The following PDE4D variants were observed in gnomAD, a reference collection of about 807,000 sequenced individuals.
The protein encoded by PDE4D is phosphodiesterase 4D.
Under a neutral mutation model 87.4 loss-of-function variants are expected in PDE4D, and 24 were observed. The observed-to-expected ratio is 0.27, with a 90% confidence interval of 0.20 to 0.39. The LOEUF is 0.39. PDE4D is among the 10% of genes least tolerant of loss of function. PDE4D has a pLI of 1.00. For missense variants in PDE4D, 714 were observed against 1,041.0 expected (o/e 0.69, Z 4.32); for synonymous variants, 384 against 383.2 (o/e 1.00, Z -0.02).
intron 1 of PDE4D, among the ~76,000 whole-genome samples, chr5:60,278,911 A>G (rs1052993798): frequency 6.6e-6 from 1 of 152,202 alleles, no homozygotes; most frequent in African/African-American, 2.4e-5. Context: ...GGTATCTATT[A>G]ATTGCAATTT....
intron 2 of PDE4D, among the ~76,000 whole-genome samples, chr5:59,199,110 C>T (rs545215679): frequency 7.0e-4 from 107 of 152,240 alleles, no homozygotes; most frequent in African/African-American, 2.3e-3. Flanking sequence ...GCAAAGACCC[C>T]TAATCCTACT....
chr5:59,845,309 C>G (rs1743672474), intron 1 of PDE4D, among the ~76,000 whole-genome samples: 1 of 152,068 alleles, frequency 6.6e-6, no homozygotes, highest in Admixed American at 6.6e-5. Flanking sequence ...AACTTCCACT[C>G]AGCTTTCAGG....
intron 1 of PDE4D, among the ~76,000 whole-genome samples, chr5:59,220,691 T>G (rs556529952): frequency 6.6e-6 from 1 of 152,152 alleles, no homozygotes; most frequent in African/African-American, 2.4e-5. Flanking sequence ...CTTTGAAACA[T>G]AATTTTATCA....
At chr5:60,361,755 C>A (rs1760094357) in intron 1 of PDE4D, among the ~76,000 whole-genome samples, 1 of 152,184 alleles carries the variant, frequency 6.6e-6, no homozygotes, top group Non-Finnish European at 1.5e-5. Flanking sequence ...CAACCCATGC[C>A]TGAGTGACAA....
At chr5:59,631,159 T>C (rs1157164935) in intron 1 of PDE4D, among the ~76,000 whole-genome samples, 1 of 152,206 alleles carries the variant, frequency 6.6e-6, no homozygotes, top group Admixed American at 6.5e-5. Context: ...TATGTCATTT[T>C]ATCTCATAAT....
At chr5:60,335,747 G>A (rs963145394) in intron 1 of PDE4D, among the ~76,000 whole-genome samples, 1 of 152,226 alleles carries the variant, frequency 6.6e-6, no homozygotes, top group East Asian at 1.9e-4. Context: ...TGTGGGGCAC[G>A]AGTGGATGAA....
intron 2 of PDE4D, among the ~76,000 whole-genome samples, chr5:60,116,408 A>AC (rs1778176477): frequency 6.6e-6 from 1 of 151,632 alleles, no homozygotes; most frequent in Non-Finnish European, 1.5e-5. Flanking sequence ...GCCTACTGAC[A>AC]CCCCCCATTG....
chr5:60,313,251 T>A (rs144617884), intron 1 of PDE4D, among the ~76,000 whole-genome samples: 1 of 152,070 alleles, frequency 6.6e-6, no homozygotes, highest in East Asian at 1.9e-4. Context: ...AAGGGGATAT[T>A]ACCATCGACC....
intron 1 of PDE4D, among the ~76,000 whole-genome samples, chr5:59,253,568 T>C (rs1760402930): frequency 6.6e-6 from 1 of 152,136 alleles, no homozygotes; most frequent in Non-Finnish European, 1.5e-5. Context: ...ATTTTTTTCA[T>C]TAATGATTTT....
rs574411467 is a variant in PDE4D at position 59,114,872 on chromosome 5, G to C, written c.808+65723C>G. Among the ~76,000 whole-genome samples, 7 of 150,164 alleles carry C rather than the reference G, an allele frequency of 4.7e-5. No individual in the cohort carries two copies. The South Asian group carries it at 1.3e-3, about 27-fold the overall frequency. ...GCTGCAAGCTAACTTCAAGGGGGTA[G>C]AGGAATAAGTGGGGGGAAAAGAAAA... On this transcript the variant is annotated intron_variant, in intron 5 of 14. Transcript: ENST00000340635.
intron 1 of PDE4D, among the ~76,000 whole-genome samples, chr5:60,393,536 G>T (rs1159356971): frequency 6.6e-6 from 1 of 152,046 alleles, no homozygotes; most frequent in Non-Finnish European, 1.5e-5. Flanking sequence ...GAAGTTCAAG[G>T]AATAAGATAT....
At chr5:59,668,827 A>AGAAGAGGAAGAGGAAGAG (rs1554056662) in intron 1 of PDE4D, among the ~76,000 whole-genome samples, 1 of 76,904 alleles carries the variant, frequency 1.3e-5, no homozygotes, top group Admixed American at 1.4e-4. Context: ...AAGAAGAAGA[A>AGAAGAGGAAGAGGAAGAG]GAAGAGGAAG....
chr5:59,304,005 A>T lies in PDE4D; in HGVS notation c.456-88037T>A, dbSNP rs186640234. 3.9e-5 allele frequency among the ~76,000 whole-genome samples: 6 copies of T among 152,158 alleles called. No individual in the cohort carries two copies. The East Asian group carries it at 1.2e-3, about 29-fold the overall frequency. On this transcript the variant is annotated intron_variant, in intron 1 of 14. Coordinates refer to ENST00000340635, the MANE Select transcript of PDE4D (RefSeq NM_001104631.2). ...CAGTATGGGCATTTTCACAATATTG[A>T]TTCTACCCATCCATGATCACGGGAT... is the stretch of plus-strand genomic sequence containing the variant.
chr5:60,061,003 C>T (rs1198087521), intron 2 of PDE4D, among the ~76,000 whole-genome samples: 1 of 152,126 alleles, frequency 6.6e-6, no homozygotes, highest in Non-Finnish European at 1.5e-5. Context: ...GAGAAGCATT[C>T]CCTTTGAAAA....
At chr5:59,885,100 G>T (rs1186934986) in intron 1 of PDE4D, among the ~76,000 whole-genome samples, 1 of 151,746 alleles carries the variant, frequency 6.6e-6, no homozygotes, top group Non-Finnish European at 1.5e-5. Context: ...TTTTCTCACT[G>T]ATTTGGACTG....
At chr5:59,813,003 G>A (rs1409610670) in intron 1 of PDE4D, among the ~76,000 whole-genome samples, 2 of 152,160 alleles carry the variant, frequency 1.3e-5, no homozygotes, top group South Asian at 2.1e-4. Flanking sequence ...GATACCAATA[G>A]GGTTGTTTAT....
At chr5:59,953,087 A>C (rs1758463110) in intron 3 of PDE4D, among the ~76,000 whole-genome samples, 1 of 151,548 alleles carries the variant, frequency 6.6e-6, no homozygotes, top group African/African-American at 2.4e-5. Flanking sequence ...GGAGCCATTA[A>C]TGTTTCATCA....
At chr5:59,495,510 A>C (rs1807013989) in intron 1 of PDE4D, among the ~76,000 whole-genome samples, 1 of 152,200 alleles carries the variant, frequency 6.6e-6, no homozygotes, top group South Asian at 2.1e-4. Context: ...AGAAGCAGGT[A>C]GTGTGTGGCT....
intron 1 of PDE4D, among the ~76,000 whole-genome samples, chr5:60,261,904 G>A (rs1298910520): frequency 1.3e-5 from 2 of 152,066 alleles, no homozygotes; most frequent in Admixed American, 6.6e-5. Context: ...ATATTGACCA[G>A]AGGAAGTGAA....
Sources: allele counts gnomAD v4.1 joint callset (sites outside exome capture counted in the v4.1 genomes callset), GRCh38; gene constraint gnomAD v4.1.1; transcripts MANE v1.5; gene names NCBI Gene and HGNC (gene_info 2026-07-23, HGNC 2026-07-21).